Variants in TBC1D22A observed in about 807,000 individuals in gnomAD.
TBC1D22A encodes the protein putative GTPase activator.
Under a neutral mutation model 60.2 loss-of-function variants are expected in TBC1D22A, and 38 were observed. The observed-to-expected ratio is 0.63, with a 90% CI of 0.49 to 0.83. TBC1D22A has a LOEUF of 0.83. Among genes scored for constraint, TBC1D22A ranks in the 40% least tolerant of loss-of-function variants. The pLI, the probability that TBC1D22A is intolerant of heterozygous loss-of-function variation, is 0.00. For missense variants in TBC1D22A, 628 were observed against 701.0 expected (o/e 0.90, Z 1.18); for synonymous variants, 302 against 281.7 (o/e 1.07, Z -0.72).
At chr22:46,967,355 C>T (rs893607924) in intron 8 of TBC1D22A, among the ~76,000 whole-genome samples, 1 of 152,228 alleles carries the variant, frequency 6.6e-6, no homozygotes, top group Non-Finnish European at 1.5e-5. Context: ...TCAAATCTCT[C>T]TCACCAAAGT....
intron 10 of TBC1D22A, among the ~76,000 whole-genome samples, chr22:47,019,758 C>T (rs1446891972): frequency 1.3e-5 from 2 of 152,014 alleles, no homozygotes; most frequent in Non-Finnish European, 1.5e-5. Context: ...ATCCATCCCT[C>T]ACTGGCTGAC....
rs145102967 is a variant in TBC1D22A, at chr22:46,955,601, A to G, written c.1016-18689A>G. Among the ~76,000 whole-genome samples the G allele has an allele frequency of 3.8e-4, 58 of 152,380 alleles. 1 individual carries two copies. The highest frequency in any genetic ancestry group is 1.3e-3 in the African/African-American group (56 of 41,596). ...AATTCTTTCTTTTAGAAATAAGCAG[A>G]CATGTTACAAAGTAGGAAACACAAA... On this transcript the variant is annotated intron_variant, in intron 8 of 12. Transcript: ENST00000337137.
chr22:47,032,471 T>A (rs1049646654), intron 10 of TBC1D22A, among the ~76,000 whole-genome samples: 10 of 151,904 alleles, frequency 6.6e-5, no homozygotes, highest in African/African-American at 2.2e-4. Context: ...ATACACTGGA[T>A]TTGTGCCTGG....
chr22:47,011,492 C>T (rs1216547495), intron 10 of TBC1D22A, among the ~76,000 whole-genome samples: 1 of 152,152 alleles, frequency 6.6e-6, no homozygotes, highest in Admixed American at 6.5e-5. Context: ...ACATTTTCAT[C>T]CCGATGTTCC....
intron 11 of TBC1D22A, among the ~76,000 whole-genome samples, chr22:47,071,344 G>A (rs1322580447): frequency 6.6e-6 from 1 of 152,200 alleles, no homozygotes. Flanking sequence ...TTTGTGCCTG[G>A]GGCAGTCAGA....
chr22:47,084,052 G>A (rs1365590402), intron 11 of TBC1D22A, among the ~76,000 whole-genome samples: 1 of 152,198 alleles, frequency 6.6e-6, no homozygotes, highest in Non-Finnish European at 1.5e-5. Context: ...AAAAGAATTT[G>A]GCTTCACCGG....
At chr22:47,171,125 T>C (rs1305869951) in intron 12 of TBC1D22A, among the ~76,000 whole-genome samples, 6 of 152,144 alleles carry the variant, frequency 3.9e-5, no homozygotes, top group African/African-American at 1.4e-4. Flanking sequence ...TATCTCCAGA[T>C]GAAGAAGAGT....
At position 46,973,867 on chromosome 22, in the gene TBC1D22A, A is replaced by C. The variant is rs573308477; in HGVS notation, c.1016-423A>C. Among the ~76,000 whole-genome samples, 7 of 152,204 alleles carry C rather than the reference A, an allele frequency of 4.6e-5. No individual in the cohort carries two copies. In the East Asian group the frequency reaches 1.4e-3, roughly 29 times the overall value. On this transcript the variant is annotated intron_variant, in intron 8 of 12. Transcript: ENST00000337137. ...GTATTTACCCAGTGCAGTTTTGGAA[A>C]CTCTAACTTTGGAAAGAGGTTTTTA...
At chr22:46,765,734 T>C (rs2083259015) in intron 1 of TBC1D22A, among the ~76,000 whole-genome samples, 1 of 151,760 alleles carries the variant, frequency 6.6e-6, no homozygotes, top group Non-Finnish European at 1.5e-5. Flanking sequence ...CCCAAAGTGC[T>C]GGGATTATAG....
intron 11 of TBC1D22A, among the ~76,000 whole-genome samples, chr22:47,073,955 T>C (rs1341512174): frequency 6.6e-6 from 1 of 152,168 alleles, no homozygotes; most frequent in Non-Finnish European, 1.5e-5. Flanking sequence ...TAGCAAGACC[T>C]GATCTCTCTA....
At chr22:46,818,239 G>A (rs1345367282) in intron 4 of TBC1D22A, among the ~76,000 whole-genome samples, 1 of 152,166 alleles carries the variant, frequency 6.6e-6, no homozygotes, top group Non-Finnish European at 1.5e-5. Flanking sequence ...CTCTGCAGAA[G>A]CTCTTTAGTT....
At chr22:46,922,204 G>C (rs959430083) in intron 8 of TBC1D22A, among the ~76,000 whole-genome samples, 1 of 152,122 alleles carries the variant, frequency 6.6e-6, no homozygotes, top group South Asian at 2.1e-4. Flanking sequence ...TAAATGTGTG[G>C]CTTTATTTCT....
At chr22:47,107,157 A>T (rs541583688) in intron 11 of TBC1D22A, among the ~76,000 whole-genome samples, 1 of 152,366 alleles carries the variant, frequency 6.6e-6, no homozygotes, top group African/African-American at 2.4e-5. Flanking sequence ...TATTAAAATA[A>T]TAGAAACAAT....
chr22:46,932,111 C>G (rs2071385456), intron 8 of TBC1D22A, among the ~76,000 whole-genome samples: 1 of 152,242 alleles, frequency 6.6e-6, no homozygotes, highest in African/African-American at 2.4e-5. Context: ...AAGTCCTGTG[C>G]TAGTCAGAGC....
At chr22:46,955,323 A>C (rs1023628076) in intron 8 of TBC1D22A, among the ~76,000 whole-genome samples, 1 of 152,254 alleles carries the variant, frequency 6.6e-6, no homozygotes, top group African/African-American at 2.4e-5. Flanking sequence ...GGCCAAACAA[A>C]ATAAATTATT....
chr22:47,173,869 A>T lies in TBC1D22A; in HGVS notation c.*243A>T, dbSNP rs1355947234. ...GGAGGGCCCCGGGTTCGGCGGCCAG[A>T]GGCAGGTCAGGGGTCCCCTCTCCCT... On this transcript the variant is annotated 3_prime_UTR_variant, in exon 13 of 13. Coordinates refer to ENST00000337137, the MANE Select transcript of TBC1D22A (RefSeq NM_014346.5). 2.0e-6 allele frequency: 1 copy of T among 502,390 alleles called. No homozygotes were observed. The highest frequency in any genetic ancestry group is 4.3e-5 in the East Asian group (1 of 23,414). 31.1% of individuals were successfully genotyped at this position (502,390 alleles called of 1,614,324 possible).
intron 1 of TBC1D22A, among the ~76,000 whole-genome samples, chr22:46,776,216 C>G (rs1042209034): frequency 6.6e-6 from 1 of 152,178 alleles, no homozygotes; most frequent in Non-Finnish European, 1.5e-5. Context: ...GGGGCTGGGA[C>G]AAGGCCTTCT....
intron 11 of TBC1D22A, among the ~76,000 whole-genome samples, chr22:47,039,781 G>C (rs1410772826): frequency 1.3e-5 from 2 of 151,046 alleles, no homozygotes; most frequent in Non-Finnish European, 2.9e-5. Context: ...TTGGCACATG[G>C]TTCCAAAGAG....
At chr22:46,916,535 G>A (rs2070379404) in intron 8 of TBC1D22A, among the ~76,000 whole-genome samples, 1 of 152,230 alleles carries the variant, frequency 6.6e-6, no homozygotes, top group Non-Finnish European at 1.5e-5. Flanking sequence ...GTGCACACAG[G>A]CGTGCAGGCA....
Sources: gnomAD v4.1 joint callset for allele counts (sites outside exome capture counted in the v4.1 genomes callset) on GRCh38, gnomAD v4.1.1 for gene constraint, MANE v1.5 for transcripts, NCBI Gene and HGNC (gene_info 2026-07-23, HGNC 2026-07-21) for gene names.